Variants in CDH10 observed in about 807,000 individuals in gnomAD.
CDH10 encodes cadherin 10.
CDH10 carries 30 observed loss-of-function variants against 73.1 expected under a neutral mutation model. The ratio of observed to expected loss-of-function variants is 0.41; its 90% confidence interval spans 0.31 to 0.56. CDH10 has a LOEUF of 0.56. Ranked by LOEUF, CDH10 falls within the 20% of genes least tolerant of loss-of-function variation. The pLI is 0.27. For missense variants in CDH10, 815 were observed against 973.7 expected (o/e 0.84, Z 2.17); for synonymous variants, 345 against 348.2 (o/e 0.99, Z 0.10).
intron 8 of CDH10, among the ~76,000 whole-genome samples, chr5:24,501,340 A>T (rs1441695180): frequency 6.6e-6 from 1 of 152,212 alleles, no homozygotes; most frequent in East Asian, 1.9e-4. Context: ...ATCCACAGGG[A>T]TGAATGTGCT....
chr5:24,508,739 G>A (rs1185875414), intron 7 of CDH10, among the ~76,000 whole-genome samples: 1 of 150,966 alleles, frequency 6.6e-6, no homozygotes, highest in Non-Finnish European at 1.5e-5. Context: ...GGCTGGTTTC[G>A]AACCCCTGAG....
intron 1 of CDH10, among the ~76,000 whole-genome samples, chr5:24,621,326 G>C (rs987152789): frequency 6.6e-6 from 1 of 152,052 alleles, no homozygotes; most frequent in African/African-American, 2.4e-5. Context: ...TTTGACCAAG[G>C]CATATCTACT....
At chr5:24,565,766 C>A (rs1309946308) in intron 2 of CDH10, among the ~76,000 whole-genome samples, 1 of 151,712 alleles carries the variant, frequency 6.6e-6, no homozygotes, top group African/African-American at 2.4e-5. Flanking sequence ...CTCTTTCACA[C>A]ACACACACAC....
intron 2 of CDH10, among the ~76,000 whole-genome samples, chr5:24,591,957 T>C (rs1193818077): frequency 6.6e-6 from 1 of 151,900 alleles, no homozygotes; most frequent in Non-Finnish European, 1.5e-5. Flanking sequence ...TCTAAGCAGT[T>C]AGTTTCATAA....
intron 7 of CDH10, 70 bp downstream of exon 7, chr5:24,509,496 C>T (rs1467689014): frequency 6.8e-7 from 1 of 1,460,582 alleles, no homozygotes; most frequent in Non-Finnish European, 9.4e-7. Flanking sequence ...GCCTCGGCCT[C>T]CCAAAGTGCT....
chr5:24,573,623 C>CT (rs1322774923), intron 2 of CDH10, among the ~76,000 whole-genome samples: 1 of 150,376 alleles, frequency 6.6e-6, no homozygotes, highest in African/African-American at 2.4e-5. Context: ...ATGGCGTGAA[C>CT]CCGGGAGGCG....
At chr5:24,529,294 C>T (rs190632655) in intron 5 of CDH10, among the ~76,000 whole-genome samples, 307 of 152,028 alleles carry the variant, frequency 2.0e-3, no homozygotes, top group South Asian at 7.9e-3. Context: ...GAATTGTTTA[C>T]AGTTGCTTCT....
chr5:24,487,899 G>C lies in CDH10; in HGVS notation c.2131C>G (p.Arg711Gly), dbSNP rs1299821656. ...TTTAGCCTTTCATTAATGAAATCCC[G>C]GACGTCCGTGTTATCTGGAGCTGTA... ...TPTAPDNTDVRDFINERLKEH... is the reference protein window; with the variant it reads ...TPTAPDNTDVGDFINERLKEH... Residue 711 changes from arginine (R) to glycine (G), a missense_variant, in exon 12 of 12, where the codon CGG (arginine) becomes GGG (glycine). Physicochemically the swap from Arg to Gly is moderately radical, Grantham distance 125. Coordinates refer to ENST00000264463, the MANE Select transcript of CDH10 (RefSeq NM_006727.5). 6.2e-7 allele frequency: 1 copy of C among 1,613,688 alleles called. No homozygotes were observed. The highest frequency in any genetic ancestry group is 1.1e-5 in the South Asian group (1 of 91,052).
intron 5 of CDH10, among the ~76,000 whole-genome samples, chr5:24,518,148 C>A (rs1156790101): frequency 2.6e-5 from 4 of 152,168 alleles, no homozygotes; most frequent in African/African-American, 4.8e-5. Flanking sequence ...CTTGTCCTAA[C>A]TAAGAGGACG....
intron 5 of CDH10, 77 bp from the exon 6 acceptor site, chr5:24,511,591 G>GAGAGAGA (rs1279407999): frequency 3.0e-6 from 2 of 658,432 alleles, no homozygotes; most frequent in East Asian, 2.9e-5. Context: ...GAGAGAGAGA[G>GAGAGAGA]ATTTCTCAAT....
At chr5:24,590,390 T>A (rs914618028) in intron 2 of CDH10, among the ~76,000 whole-genome samples, 7 of 151,382 alleles carry the variant, frequency 4.6e-5, no homozygotes, top group African/African-American at 1.5e-4. Flanking sequence ...TATCTATATA[T>A]AGTATATATT....
At chr5:24,523,523 C>T (rs1743416683) in intron 5 of CDH10, among the ~76,000 whole-genome samples, 1 of 151,982 alleles carries the variant, frequency 6.6e-6, no homozygotes, top group Admixed American at 6.6e-5. Context: ...TCCTTTGTTC[C>T]ATTAATTTTA....
chr5:24,503,439 TCC>T (rs1742570617), intron 8 of CDH10, among the ~76,000 whole-genome samples: 1 of 152,196 alleles, frequency 6.6e-6, no homozygotes, highest in African/African-American at 2.4e-5. Flanking sequence ...CCCAAGCAGT[TCC>T]ACAGGGCCTT....
intron 5 of CDH10, among the ~76,000 whole-genome samples, chr5:24,511,908 T>A (rs552209196): frequency 6.6e-6 from 1 of 152,152 alleles, no homozygotes; most frequent in African/African-American, 2.4e-5. Context: ...TCACACGTTA[T>A]CACTCATAAG....
chr5:24,556,962 G>A (rs1295629594), intron 2 of CDH10, among the ~76,000 whole-genome samples: 1 of 139,092 alleles, frequency 7.2e-6, no homozygotes, highest in Non-Finnish European at 1.6e-5. Context: ...TTAATCTGAA[G>A]TTTTTTTCAT....
In CDH10 at chr5:24,533,588, G is replaced by A. The variant is rs114535225; in HGVS notation, c.814+1524C>T. ...ACTTTTTTTCTCCAGTAATAGTTTTGCTCATTGTGGATTATGCAATTAATT... is the reference window on the plus strand; with the variant it reads ...ACTTTTTTTCTCCAGTAATAGTTTTACTCATTGTGGATTATGCAATTAATT... On this transcript the variant is annotated intron_variant, in intron 5 of 11. Transcript: ENST00000264463. Among the ~76,000 whole-genome samples the A allele has an allele frequency of 4.6e-3, 701 of 151,864 alleles. 6 individuals carry two copies. The highest frequency in any genetic ancestry group is 0.016 in the African/African-American group (679 of 41,390).
chr5:24,498,074 T>C (rs1742356500), intron 9 of CDH10, among the ~76,000 whole-genome samples: 1 of 152,238 alleles, frequency 6.6e-6, no homozygotes, highest in Non-Finnish European at 1.5e-5. Flanking sequence ...ATTTATTTAA[T>C]GACACAGCAG....
intron 1 of CDH10, among the ~76,000 whole-genome samples, chr5:24,621,819 C>T (rs1466475844): frequency 2.0e-5 from 3 of 147,366 alleles, no homozygotes; most frequent in East Asian, 3.9e-4. Flanking sequence ...ACATGATATA[C>T]GTGTGTATAC....
Position 24,535,124 on chromosome 5 carries a change from G to A in CDH10, c.802C>T (p.Arg268Cys), listed in dbSNP as rs988034282. The change falls in exon 5 of 12, where the codon CGT becomes TGT. Residue 268 changes from arginine to cysteine, a missense_variant. Arg to Cys is a radical substitution (Grantham distance 180). Coordinates refer to ENST00000264463, the MANE Select transcript of CDH10 (RefSeq NM_006727.5). Reference sequence around the variant, plus strand: ...AAAGGGTGCTTACTCTGGGGGAAACGTGGTGGGTTGTCATTGACATCTGTC... The same window carrying A: ...AAAGGGTGCTTACTCTGGGGGAAACATGGTGGGTTGTCATTGACATCTGTC... ...TLTDVNDNPP[R>C]FPQNTIHLRV... 8 of 1,608,376 alleles carry A rather than the reference G, an allele frequency of 5.0e-6. No individual in the cohort carries two copies. The highest frequency in any genetic ancestry group is 1.7e-5 in the Admixed American group (1 of 58,368).
Sources: gnomAD v4.1 joint callset for allele counts (sites outside exome capture counted in the v4.1 genomes callset) on GRCh38, gnomAD v4.1.1 for gene constraint, MANE v1.5 for transcripts, NCBI Gene and HGNC (gene_info 2026-07-23, HGNC 2026-07-21) for gene names.